The following KCNK10 variants were observed in gnomAD, a reference collection of about 807,000 sequenced individuals.
The protein encoded by KCNK10 is potassium channel subfamily K member 10.
Under a neutral mutation model 47.7 loss-of-function variants are expected in KCNK10, and 25 were observed. The observed-to-expected ratio is 0.52, with a 90% CI of 0.38 to 0.73. KCNK10 has a LOEUF of 0.73. Among genes scored for constraint, KCNK10 ranks in the 30% least tolerant of loss-of-function variants. The probability of loss-of-function intolerance (pLI) is 0.00; values close to 1 mark genes in which losing one functional copy is unlikely to be tolerated. For synonymous variants in KCNK10, 303 were observed against 285.6 expected, an observed-to-expected ratio of 1.06 and a Z score of -0.61; for missense variants, 563 against 714.5, an observed-to-expected ratio of 0.79 and a Z score of 2.42.
At chr14:88,218,557 C>T (rs1344535681) in intron 4 of KCNK10, among the ~76,000 whole-genome samples, 2 of 121,034 alleles carry the variant, frequency 1.7e-5, no homozygotes, top group Non-Finnish European at 3.6e-5. Flanking sequence ...GGGGGAAAGC[C>T]AAAAAAAGAA....
In KCNK10 at chr14:88,186,539, T is replaced by TA; in HGVS notation, c.1012-385dup. ...CCCCCAACATACACTTGAGTGACCA[T>TA]ATATAGCTCACCTGAGACAAGGAAA... On this transcript the variant is annotated intron_variant, in intron 6 of 6. Coordinates refer to ENST00000319231, the MANE Select transcript of KCNK10 (RefSeq NM_138317.3). The surrounding 1 kb of genome is among the most constrained non-coding windows in gnomAD (Gnocchi z 5.5). 6.6e-6 allele frequency among the ~76,000 whole-genome samples: 1 copy of TA among 152,262 alleles called. No homozygotes were observed. The highest frequency in any genetic ancestry group is 1.9e-4 in the East Asian group (1 of 5,174).
intron 1 of KCNK10, among the ~76,000 whole-genome samples, chr14:88,284,529 G>A (rs555641249): frequency 1.3e-5 from 2 of 152,314 alleles, no homozygotes; most frequent in East Asian, 1.9e-4. Context: ...AAGTCTGAGA[G>A]CCCCTGGCAA....
At chr14:88,279,364 CGTGTGTGTGTGTGTGTGT>C (rs58319931) in intron 1 of KCNK10, among the ~76,000 whole-genome samples, 47 of 137,672 alleles carry the variant, frequency 3.4e-4, no homozygotes, top group African/African-American at 1.2e-3. Flanking sequence ...TTGCCAGATA[CGTGTGTGTGTGTGTGTGT>C]GTGTGTGTGT....
At chr14:88,312,590 T>G (rs1888349061) in intron 1 of KCNK10, among the ~76,000 whole-genome samples, 1 of 152,184 alleles carries the variant, frequency 6.6e-6, no homozygotes, top group African/African-American at 2.4e-5. Context: ...AAAGTTAAGT[T>G]GTCAGTCACT....
chr14:88,310,613 T>C lies in KCNK10; in HGVS notation c.52+12134A>G, dbSNP rs369785722. Among the ~76,000 whole-genome samples, 4 of 152,216 alleles carry C rather than the reference T, an allele frequency of 2.6e-5. 1 individual carries two copies. Among genetic ancestry groups the C allele is most frequent in the African/African-American group, 9.6e-5 (4 of 41,514 alleles). ...GAGATTATTGCCTGAGCAGCAGGCATTCACGCTCCTATAGAAACTGCGTTC... is the reference window on the plus strand; with the variant it reads ...GAGATTATTGCCTGAGCAGCAGGCACTCACGCTCCTATAGAAACTGCGTTC... On this transcript the variant is annotated intron_variant, in intron 1 of 6. Coordinates refer to ENST00000319231, the MANE Select transcript of KCNK10 (RefSeq NM_138317.3).
chr14:88,310,494 G>A (rs1254824004), intron 1 of KCNK10, among the ~76,000 whole-genome samples: 3 of 152,132 alleles, frequency 2.0e-5, no homozygotes, highest in Non-Finnish European at 2.9e-5. Flanking sequence ...GGAGTGGTGT[G>A]TGTCAGCTGT....
At chr14:88,263,648 A>G in intron 1 of KCNK10, 97 bp from the exon 2 acceptor site, 2 of 1,128,366 alleles carry the variant, frequency 1.8e-6, no homozygotes, top group African/African-American at 3.1e-5. Flanking sequence ...TCTTTGAGCC[A>G]GCTTTCAAAT....
At chr14:88,193,178 A>G (rs540831164) in intron 4 of KCNK10, among the ~76,000 whole-genome samples, 1 of 152,324 alleles carries the variant, frequency 6.6e-6, no homozygotes, top group East Asian at 1.9e-4. Context: ...GATGGACTTA[A>G]TGATCTGTGG....
At chr14:88,326,302 A>G, upstream of KCNK10, 1 of 783,490 alleles carries the variant, frequency 1.3e-6, no homozygotes, top group South Asian at 1.5e-5. Context: ...GACTGCATGG[A>G]GTGGGGATGG....
chr14:88,289,655 G>T (rs1887837020), intron 1 of KCNK10, among the ~76,000 whole-genome samples: 2 of 152,232 alleles, frequency 1.3e-5, no homozygotes, highest in South Asian at 4.1e-4. Flanking sequence ...CATCTTTTAA[G>T]GGGGCTGTGA....
chr14:88,315,902 A>G (rs1317729506), intron 1 of KCNK10, among the ~76,000 whole-genome samples: 2 of 152,134 alleles, frequency 1.3e-5, no homozygotes, highest in Non-Finnish European at 2.9e-5. Context: ...AAGGGAATGA[A>G]GAAAAGAAGG....
At chr14:88,297,560 G>A (rs1485711363) in intron 1 of KCNK10, among the ~76,000 whole-genome samples, 5 of 152,182 alleles carry the variant, frequency 3.3e-5, no homozygotes, top group Non-Finnish European at 7.3e-5. Flanking sequence ...CCCTTTAACA[G>A]TAACTTCTCC....
chr14:88,227,926 C>A (rs979792532), intron 3 of KCNK10, among the ~76,000 whole-genome samples: 1 of 152,188 alleles, frequency 6.6e-6, no homozygotes, highest in African/African-American at 2.4e-5. Flanking sequence ...TTCTTTTTCA[C>A]AGTCTTACCC....
intron 1 of KCNK10, among the ~76,000 whole-genome samples, chr14:88,306,817 C>T (rs1888211787): frequency 1.3e-5 from 2 of 152,078 alleles, no homozygotes; most frequent in African/African-American, 4.8e-5. Flanking sequence ...GGTTTCCAAC[C>T]CAGAAAGTAT....
At chr14:88,198,190 A>G (rs1008244549) in intron 4 of KCNK10, among the ~76,000 whole-genome samples, 1 of 152,234 alleles carries the variant, frequency 6.6e-6, no homozygotes, top group Admixed American at 6.5e-5. Flanking sequence ...GGTAGGTCTC[A>G]GAGGCAGGAA....
chr14:88,283,230 T>C (rs1887688575), intron 1 of KCNK10, among the ~76,000 whole-genome samples: 1 of 152,200 alleles, frequency 6.6e-6, no homozygotes, highest in Non-Finnish European at 1.5e-5. Flanking sequence ...CTGGGACACA[T>C]TTATGTAAAA....
At position 88,187,954 on chromosome 14, in the gene KCNK10, G is replaced by C; in HGVS notation, c.1011+13C>G. 1 of 1,613,948 alleles carries C rather than the reference G, an allele frequency of 6.2e-7. No homozygotes were observed. The highest frequency in any genetic ancestry group is 8.5e-7 in the Non-Finnish European group (1 of 1,179,934). On this transcript the variant is annotated intron_variant, in intron 6 of 6. Coordinates refer to ENST00000319231, the MANE Select transcript of KCNK10 (RefSeq NM_138317.3). ...TTCTCAGGAACATTCATAGGGTTAG[G>C]AAGGGGTCCTACCTCTTCTTTTGTC...
chr14:88,258,365 A>G (rs1473109601), intron 2 of KCNK10, among the ~76,000 whole-genome samples: 2 of 147,002 alleles, frequency 1.4e-5, no homozygotes, highest in Non-Finnish European at 3.0e-5. Flanking sequence ...ATCTCAGCTC[A>G]CTGTAACCTC....
rs1566721473 is a variant in KCNK10, at chr14:88,310,200, T to TATATCATATACC, written c.52+12546_52+12547insGGTATATGATAT. On this transcript the variant is annotated intron_variant, in intron 1 of 6. Transcript: ENST00000319231. ...GTATATGATATACCATATCATATGG[T>TATATCATATACC]ATATGATATACCATATCATATGGTA... 2.5e-4 allele frequency among the ~76,000 whole-genome samples: 31 copies of TATATCATATACC among 123,888 alleles called. 1 individual carries two copies. Among genetic ancestry groups the TATATCATATACC allele is most frequent in the South Asian group, 7.2e-4 (3 of 4,192 alleles). The allele number at this position is 123,888 out of a possible 152,430, so 81.3% of individuals were successfully genotyped here.
Sources: allele counts gnomAD v4.1 joint callset (sites outside exome capture counted in the v4.1 genomes callset), GRCh38; gene constraint gnomAD v4.1.1; non-coding constraint Gnocchi (gnomAD v3.1); transcripts MANE v1.5; gene names NCBI Gene and HGNC (gene_info 2026-07-23, HGNC 2026-07-21).